Variants in SNTG1 observed in about 807,000 individuals in gnomAD.
SNTG1 encodes the protein syntrophin gamma 1, also known as gamma-1-syntrophin.
A neutral mutation model predicts 74.7 loss-of-function variants in SNTG1; 39 were observed. The observed-to-expected ratio is 0.52, with a 90% CI of 0.40 to 0.68. The LOEUF (loss-of-function observed/expected upper bound fraction) is 0.68, where lower values mean the gene tolerates loss of function less well. SNTG1 is among the 30% of genes least tolerant of loss of function. SNTG1 has a pLI of 0.00. For synonymous variants in SNTG1, 254 were observed against 217.1 expected, an observed-to-expected ratio of 1.17 and a Z score of -1.49; for missense variants, 685 against 609.5, an observed-to-expected ratio of 1.12 and a Z score of -1.30.
chr8:50,526,866 C>A (rs930170546), intron 9 of SNTG1, among the ~76,000 whole-genome samples: 2 of 151,998 alleles, frequency 1.3e-5, no homozygotes, highest in Admixed American at 6.6e-5. Flanking sequence ...TTGTGATCAT[C>A]CCGCCTCATC....
intron 1 of SNTG1, among the ~76,000 whole-genome samples, chr8:49,980,613 T>C (rs1303535772): frequency 5.4e-5 from 8 of 148,108 alleles, no homozygotes. Context: ...CCCAGCCGAC[T>C]CCACTCGCAA....
At chr8:50,405,712 T>C (rs928912817) in intron 4 of SNTG1, among the ~76,000 whole-genome samples, 1 of 152,102 alleles carries the variant, frequency 6.6e-6, no homozygotes, top group African/African-American at 2.4e-5. Flanking sequence ...AATAAATAAT[T>C]GCCAAATTCA....
intron 2 of SNTG1, among the ~76,000 whole-genome samples, chr8:50,183,689 G>C (rs528341442): frequency 3.3e-5 from 5 of 152,170 alleles, no homozygotes; most frequent in African/African-American, 1.2e-4. Flanking sequence ...TCCCCAAGTA[G>C]CAAAATATGA....
intron 2 of SNTG1, among the ~76,000 whole-genome samples, chr8:50,186,818 T>C (rs1402101762): frequency 6.6e-6 from 1 of 152,132 alleles, no homozygotes; most frequent in Non-Finnish European, 1.5e-5. Context: ...TTGCAAAGAT[T>C]TTCTCCCATT....
intron 2 of SNTG1, among the ~76,000 whole-genome samples, chr8:50,298,651 A>C (rs887193120): frequency 6.6e-6 from 1 of 152,176 alleles, no homozygotes; most frequent in Non-Finnish European, 1.5e-5. Flanking sequence ...AATATTAAAA[A>C]CCTAACAAGC....
intron 2 of SNTG1, among the ~76,000 whole-genome samples, chr8:50,200,995 G>T (rs890801190): frequency 6.6e-6 from 1 of 152,008 alleles, no homozygotes; most frequent in Non-Finnish European, 1.5e-5. Context: ...CAAAGGAGGG[G>T]CTCATTCATT....
At chr8:50,589,682 C>G (rs1015698975) in intron 12 of SNTG1, among the ~76,000 whole-genome samples, 2 of 151,108 alleles carry the variant, frequency 1.3e-5, no homozygotes, top group African/African-American at 4.9e-5. Flanking sequence ...TTTTAGAATT[C>G]TTTATAACAA....
chr8:49,933,228 C>A (rs928867387), intron 1 of SNTG1, among the ~76,000 whole-genome samples: 45 of 152,144 alleles, frequency 3.0e-4, no homozygotes, highest in Admixed American at 1.3e-3. Context: ...ACCAACAATT[C>A]ATGAAGTTTC....
chr8:50,686,997 C>T (rs1174430827), intron 15 of SNTG1, among the ~76,000 whole-genome samples: 5 of 150,670 alleles, frequency 3.3e-5, no homozygotes, highest in East Asian at 3.9e-4. Context: ...TAGCCGGGCG[C>T]AGTGGCGGGC....
chr8:50,441,501 G>C (rs892753136), intron 5 of SNTG1, among the ~76,000 whole-genome samples: 2 of 152,080 alleles, frequency 1.3e-5, no homozygotes, highest in African/African-American at 4.8e-5. Flanking sequence ...ATTGAGGAGG[G>C]TTCCTATGTC....
At chr8:50,713,451 T>A (rs1371132894) in intron 17 of SNTG1, among the ~76,000 whole-genome samples, 1 of 152,178 alleles carries the variant, frequency 6.6e-6, no homozygotes, top group East Asian at 1.9e-4. Context: ...ATTCTATAGG[T>A]TGCCTGTTCA....
At chr8:50,154,116 C>T (rs542745760) in intron 1 of SNTG1, among the ~76,000 whole-genome samples, 139 of 152,246 alleles carry the variant, frequency 9.1e-4, no homozygotes, top group African/African-American at 3.2e-3. Context: ...GCACCCCTCC[C>T]CCAGCCTCGC....
chr8:49,945,704 A>G (rs775978307), intron 1 of SNTG1, among the ~76,000 whole-genome samples: 1 of 152,136 alleles, frequency 6.6e-6, no homozygotes, highest in Non-Finnish European at 1.5e-5. Flanking sequence ...GTGGATGACT[A>G]GAGCATGACA....
At chr8:50,745,591 C>T (rs576912754) in intron 17 of SNTG1, among the ~76,000 whole-genome samples, 1 of 152,094 alleles carries the variant, frequency 6.6e-6, no homozygotes, top group Non-Finnish European at 1.5e-5. Flanking sequence ...GGGACTTAAA[C>T]AGATACTTGT....
chr8:49,956,179 T>C (rs1810142099), intron 1 of SNTG1, among the ~76,000 whole-genome samples: 1 of 152,220 alleles, frequency 6.6e-6, no homozygotes, highest in Non-Finnish European at 1.5e-5. Flanking sequence ...TTAACTTATT[T>C]TTGCAAATAT....
intron 2 of SNTG1, among the ~76,000 whole-genome samples, chr8:50,324,280 C>T (rs2090647095): frequency 6.6e-6 from 1 of 152,210 alleles, no homozygotes; most frequent in African/African-American, 2.4e-5. Flanking sequence ...CCCTCAGTTG[C>T]TGTGCTCTTC....
chr8:50,319,106 A>G (rs1182184873), intron 2 of SNTG1, among the ~76,000 whole-genome samples: 1 of 152,104 alleles, frequency 6.6e-6, no homozygotes, highest in Non-Finnish European at 1.5e-5. Context: ...ACCTAGTGTT[A>G]TAGCTCCTAT....
At chr8:50,205,626 T>A (rs1022727747) in intron 2 of SNTG1, among the ~76,000 whole-genome samples, 1 of 152,178 alleles carries the variant, frequency 6.6e-6, no homozygotes, top group Non-Finnish European at 1.5e-5. Context: ...GGTGTTTTAG[T>A]CATGAAGTCC....
At chr8:50,782,583 G>A (rs1166486054) in intron 18 of SNTG1, among the ~76,000 whole-genome samples, 1 of 151,962 alleles carries the variant, frequency 6.6e-6, no homozygotes, top group Non-Finnish European at 1.5e-5. Context: ...TCTCTGTATT[G>A]GTTATTCTAG....
Sources: allele counts gnomAD v4.1 joint callset (sites outside exome capture counted in the v4.1 genomes callset), GRCh38; gene constraint gnomAD v4.1.1; transcripts MANE v1.5; gene names NCBI Gene and HGNC (gene_info 2026-07-23, HGNC 2026-07-21).